Variants in SRSF11 observed in about 807,000 individuals in gnomAD.
SRSF11 encodes the protein serine and arginine rich splicing factor 11.
A neutral mutation model predicts 56.0 loss-of-function variants in SRSF11; 9 were observed. The ratio of observed to expected loss-of-function variants is 0.16; its 90% CI spans 0.10 to 0.28. The LOEUF (loss-of-function observed/expected upper bound fraction) is 0.28, where lower values mean the gene tolerates loss of function less well. Among genes scored for constraint, SRSF11 ranks in the 10% least tolerant of loss-of-function variants. SRSF11 has a pLI of 1.00. For synonymous variants in SRSF11, 222 were observed against 215.3 expected (o/e 1.03, Z -0.27); for missense variants, 421 against 600.7 (o/e 0.70, Z 3.13).
intron 5 of SRSF11, among the ~76,000 whole-genome samples, chr1:70,237,011 T>C (rs1674253286): frequency 6.6e-6 from 1 of 151,822 alleles, no homozygotes; most frequent in African/African-American, 2.4e-5. Flanking sequence ...ATGATCTCGA[T>C]CTCCTGACCT....
chr1:70,224,538 A>C (rs552435441), intron 1 of SRSF11, among the ~76,000 whole-genome samples: 2 of 150,252 alleles, frequency 1.3e-5, no homozygotes, highest in Admixed American at 6.6e-5. Flanking sequence ...AACCTCACCC[A>C]CACCTACTGA....
At chr1:70,243,442 C>T (rs1676013815) in intron 7 of SRSF11, among the ~76,000 whole-genome samples, 1 of 144,066 alleles carries the variant, frequency 6.9e-6, no homozygotes, top group South Asian at 2.3e-4. Context: ...TGTGCCTACA[C>T]TAAGGCACCG....
Position 70,252,502 on chromosome 1 carries a change from T to A in SRSF11, c.*1697T>A, listed in dbSNP as rs1193703315. Reference sequence around the variant, plus strand: ...AAATAGGGTTTTGTTTTGTTTTTTTTAACCTAAAAACTGAAATGCCATATA... The same window carrying A: ...AAATAGGGTTTTGTTTTGTTTTTTTAAACCTAAAAACTGAAATGCCATATA... On this transcript the variant is annotated 3_prime_UTR_variant, in exon 12 of 12. Transcript: ENST00000370949. The A allele has an allele frequency of 6.6e-6, 1 of 152,148 alleles. No individual in the cohort carries two copies. Among genetic ancestry groups the A allele is most frequent in the Non-Finnish European group, 1.5e-5 (1 of 67,994 alleles). 9.4% of individuals were successfully genotyped at this position (152,148 alleles called of 1,614,324 possible).
chr1:70,214,711 T>C (rs1669852321), intron 1 of SRSF11, among the ~76,000 whole-genome samples: 1 of 152,154 alleles, frequency 6.6e-6, no homozygotes, highest in South Asian at 2.1e-4. Context: ...GTCAGTCCCC[T>C]AGTGCTAACT....
intron 7 of SRSF11, 72 bp downstream of exon 7, chr1:70,239,592 C>T: frequency 1.8e-6 from 2 of 1,118,610 alleles, no homozygotes; most frequent in South Asian, 1.5e-5. Context: ...TTTTAATTTG[C>T]TGTTAATCTG....
At chr1:70,233,720 A>G (rs1241875290) in intron 3 of SRSF11, among the ~76,000 whole-genome samples, 3 of 152,232 alleles carry the variant, frequency 2.0e-5, no homozygotes, top group African/African-American at 7.2e-5. Context: ...CTTGTAGCAC[A>G]GGTGGAGAAA....
Position 70,249,942 on chromosome 1 carries a change from G to A in SRSF11, c.1023-10G>A. 2 of 1,613,862 alleles carry A rather than the reference G, an allele frequency of 1.2e-6. No individual in the cohort carries two copies. The highest frequency in any genetic ancestry group is 1.7e-5 in the Admixed American group (1 of 60,020). ...ATTTTAAAACCTAGTTTGCACATTT[G>A]TGATTCTAGAGAGAGACGACGACGA... On this transcript the variant is annotated splice_polypyrimidine_tract_variant and intron_variant, in intron 9 of 11. Transcript: ENST00000370949.
rs1677944878 is a variant in SRSF11 at position 70,251,513 on chromosome 1, T to C, written c.*708T>C. ...TATTTTGAAGTAGAGTTGTATACTT[T>C]TTCATAAGATGTTTGGGAATTTTTT... On this transcript the variant is annotated 3_prime_UTR_variant, in exon 12 of 12. Transcript: ENST00000370949. 1 of 152,456 alleles carries C rather than the reference T, an allele frequency of 6.6e-6. No individual in the cohort carries two copies. Among genetic ancestry groups the C allele is most frequent in the South Asian group, 2.1e-4 (1 of 4,832 alleles). The allele number at this position is 152,456 out of a possible 1,614,324, so 9.4% of individuals were successfully genotyped here.
intron 2 of SRSF11, 114 bp downstream of exon 2, chr1:70,228,669 C>G: frequency 7.2e-7 from 1 of 1,379,830 alleles, no homozygotes; most frequent in East Asian, 2.6e-5. Context: ...ATTTTTAAAC[C>G]CTTGTTATAC....
intron 4 of SRSF11, 53 bp from the exon 5 acceptor site, chr1:70,235,448 C>G (rs911490695): frequency 3.5e-6 from 5 of 1,434,548 alleles, no homozygotes; most frequent in Non-Finnish European, 4.8e-6. Flanking sequence ...TAGAAAATAT[C>G]GGTCATTTAT....
chr1:70,234,085 A>AAGGCCC (rs1673422124), intron 3 of SRSF11, among the ~76,000 whole-genome samples: 1 of 152,156 alleles, frequency 6.6e-6, no homozygotes, highest in African/African-American at 2.4e-5. Context: ...GGAGCTGCAT[A>AAGGCCC]AGGAGTTGGT....
At chr1:70,236,923 G>T (rs574265346) in intron 5 of SRSF11, among the ~76,000 whole-genome samples, 63 of 150,874 alleles carry the variant, frequency 4.2e-4, no homozygotes, top group African/African-American at 1.5e-3. Flanking sequence ...GAATAGCTGG[G>T]ACTACAGGCG....
chr1:70,220,876 A>G (rs1670478282), upstream of SRSF11: 2 of 152,198 alleles, frequency 1.3e-5, no homozygotes, highest in South Asian at 4.1e-4. Context: ...TTGTGAATGA[A>G]TGTACAAAAC....
At chr1:70,249,859 C>T (rs568511805) in intron 9 of SRSF11, 93 bp from the exon 10 acceptor site, 1 of 1,364,658 alleles carries the variant, frequency 7.3e-7, no homozygotes, top group Non-Finnish European at 1.0e-6. Context: ...TACATCTGGC[C>T]ACATCTTTCA....
rs928422 is a variant in SRSF11 at position 70,206,577 on chromosome 1, T to A, written c.-26+797T>A. Among the ~76,000 whole-genome samples, 410 of 152,310 alleles carry A rather than the reference T, an allele frequency of 2.7e-3. 1 individual carries two copies. Among genetic ancestry groups the A allele is most frequent in the African/African-American group, 9.6e-3 (399 of 41,562 alleles). On this transcript the variant is annotated intron_variant, in intron 1 of 12. Coordinates refer to the SRSF11 transcript ENST00000370950. ...GATTAATCCTGCCTAGTATGTGTAC[T>A]ATCCTGGGTGCTAGACTTTTCTTTT... is the stretch of plus-strand genomic sequence containing the variant.
At chr1:70,234,633 A>AT (rs1468636882) in intron 3 of SRSF11, 63 bp from the exon 4 acceptor site, 3 of 1,360,040 alleles carry the variant, frequency 2.2e-6, no homozygotes, top group Non-Finnish European at 3.0e-6. Context: ...TTAAAAAAGT[A>AT]TTAACCCCTG....
chr1:70,228,743 A>G (rs1672337437), intron 2 of SRSF11, 188 bp downstream of exon 2: 3 of 1,267,100 alleles, frequency 2.4e-6, no homozygotes, highest in East Asian at 3.2e-5. Flanking sequence ...TAGGTCTGTT[A>G]TTATAAGGTA....
chr1:70,239,130 T>G (rs1438058913), intron 6 of SRSF11, among the ~76,000 whole-genome samples: 1 of 152,172 alleles, frequency 6.6e-6, no homozygotes, highest in African/African-American at 2.4e-5. Context: ...CTCACTCTGT[T>G]GCCGAGGCTG....
intron 1 of SRSF11, among the ~76,000 whole-genome samples, chr1:70,210,741 C>G (rs974869740): frequency 1.3e-5 from 2 of 152,086 alleles, no homozygotes; most frequent in Non-Finnish European, 2.9e-5. Context: ...CCACCATGCC[C>G]AGCTCTCTCC....
Sources: allele counts gnomAD v4.1 joint callset (sites outside exome capture counted in the v4.1 genomes callset), GRCh38; gene constraint gnomAD v4.1.1; transcripts MANE v1.5; gene names NCBI Gene and HGNC (gene_info 2026-07-23, HGNC 2026-07-21).